ENG: variants seen among roughly 807,000 people sequenced by gnomAD.
ENG encodes CD105 antigen.
In ENG, 17 loss-of-function variants were observed where a neutral mutation model predicts 71.0. That is an observed-to-expected ratio of 0.24 (90% CI 0.16 to 0.36). The LOEUF is 0.36. Among genes scored for constraint, ENG ranks in the 10% least tolerant of loss-of-function variants. ENG has a pLI of 1.00. For missense variants in ENG, 749 were observed against 868.3 expected, an observed-to-expected ratio of 0.86 and a Z score of 1.73; for synonymous variants, 360 against 366.9, an observed-to-expected ratio of 0.98 and a Z score of 0.21.
At chr9:127,817,781 A>G (rs191579126) in intron 12 of ENG, 59 of 452,762 alleles carry the variant, frequency 1.3e-4, no homozygotes, top group African/African-American at 1.1e-3. Context: ...TTGAGATTAC[A>G]CTGGTGACCA....
At chr9:127,829,657 T>C (rs770783787) in intron 3 of ENG, 30 bp downstream of exon 3, 19 of 1,613,326 alleles carry the variant, frequency 1.2e-5, no homozygotes, top group Non-Finnish European at 1.5e-5. Flanking sequence ...GGCCAGAGCC[T>C]CAGCCTGGGG....
In ENG at chr9:127,846,052, C is replaced by T. The variant is rs974599710; in HGVS notation, c.68-2807G>A. On this transcript the variant is annotated intron_variant, in intron 1 of 14. Coordinates refer to ENST00000373203, the MANE Select transcript of ENG (RefSeq NM_001114753.3). The surrounding 1 kb of genome is among the most constrained non-coding windows in gnomAD (Gnocchi z 5.5). ...CTTTCTCTTAATTACAATTATTTGA[C>T]TGACTTCAGTCACTGTAGAATTGAC... 3.9e-5 allele frequency among the ~76,000 whole-genome samples: 6 copies of T among 152,178 alleles called. No homozygotes were observed. The highest frequency in any genetic ancestry group is 1.4e-4 in the African/African-American group (6 of 41,454).
At chr9:127,825,635 G>GT in intron 5 of ENG, 60 bp downstream of exon 5, 8 of 1,355,728 alleles carry the variant, frequency 5.9e-6, no homozygotes, top group East Asian at 5.6e-5. Flanking sequence ...GGGCGGGGGG[G>GT]GTCAGGGGGG....
At chr9:127,841,703 G>A (rs772064859) in intron 2 of ENG, among the ~76,000 whole-genome samples, 2 of 152,172 alleles carry the variant, frequency 1.3e-5, no homozygotes, top group Non-Finnish European at 2.9e-5. Context: ...AAGTTTACCC[G>A]GAGCTGACAC....
At chr9:127,831,159 A>ATT (rs548554493) in intron 2 of ENG, among the ~76,000 whole-genome samples, 7,376 of 132,924 alleles carry the variant, frequency 0.055, 662 homozygotes, top group African/African-American at 0.19. Flanking sequence ...CGTAAATACC[A>ATT]TTTTTTTTTT....
At chr9:127,832,641 C>T (rs988085068) in intron 2 of ENG, 1 of 152,058 alleles carries the variant, frequency 6.6e-6, no homozygotes, top group African/African-American at 2.4e-5. Context: ...TTTTTTTAGG[C>T]TCGTCAAGTG....
chr9:127,853,520 G>A (rs1027883368), intron 1 of ENG, among the ~76,000 whole-genome samples: 1 of 152,110 alleles, frequency 6.6e-6, no homozygotes, highest in African/African-American at 2.4e-5. Flanking sequence ...ATGACCCCTT[G>A]GAAGAGCCCC....
chr9:127,842,822 C>T (rs1037563104), intron 2 of ENG, among the ~76,000 whole-genome samples: 2 of 147,834 alleles, frequency 1.4e-5, no homozygotes, highest in Non-Finnish European at 3.0e-5. Context: ...GCAACACTCA[C>T]CTGGTCCCCC....
At chr9:127,837,705 T>G (rs899545652) in intron 2 of ENG, among the ~76,000 whole-genome samples, 1 of 151,944 alleles carries the variant, frequency 6.6e-6, no homozygotes, top group Admixed American at 6.6e-5. Flanking sequence ...ATGTACAGTT[T>G]TTCCTTCCTT....
At position 127,839,739 on chromosome 9, in the gene ENG, A is replaced by G. The variant is rs541721716; in HGVS notation, c.219+3355T>C. The stretch of plus-strand genomic sequence containing the variant: ...CCTGGCTAATTTTTGTATTTTTAGT[A>G]GAGATGCGGTTTCGCCATGTTGGCC... On this transcript the variant is annotated intron_variant, in intron 2 of 14. Coordinates refer to ENST00000373203, the MANE Select transcript of ENG (RefSeq NM_001114753.3). 1.9e-4 allele frequency among the ~76,000 whole-genome samples: 29 copies of G among 152,172 alleles called. No homozygotes were observed. The South Asian group carries it at 4.4e-3, about 23-fold the overall frequency.
intron 3 of ENG, among the ~76,000 whole-genome samples, chr9:127,828,405 C>T (rs1830677601): frequency 1.3e-5 from 2 of 152,222 alleles, no homozygotes; most frequent in Admixed American, 6.5e-5. Context: ...GCGCCTTGGC[C>T]TCTTTGTCCC....
chr9:127,847,491 T>G (rs944673440), intron 1 of ENG, among the ~76,000 whole-genome samples: 1 of 151,576 alleles, frequency 6.6e-6, no homozygotes, highest in Non-Finnish European at 1.5e-5. Flanking sequence ...AGAGTCTCAC[T>G]CTGTCACCCA....
intron 2 of ENG, among the ~76,000 whole-genome samples, chr9:127,830,117 G>A (rs949173465): frequency 6.6e-6 from 1 of 152,006 alleles, no homozygotes; most frequent in South Asian, 2.1e-4. Context: ...TGAGGTGGGC[G>A]GATCACCTGA....
At chr9:127,852,738 A>G (rs1470338855) in intron 1 of ENG, among the ~76,000 whole-genome samples, 3 of 152,014 alleles carry the variant, frequency 2.0e-5, no homozygotes, top group Admixed American at 1.3e-4. Context: ...CCCAGCTCCA[A>G]ACTTGGTGAG....
intron 2 of ENG, among the ~76,000 whole-genome samples, chr9:127,840,281 G>A (rs555355926): frequency 3.9e-5 from 6 of 152,248 alleles, no homozygotes; most frequent in South Asian, 2.1e-4. Flanking sequence ...GCACGCATGC[G>A]TGCATTCACT....
At chr9:127,818,502 C>A (rs991998832) in intron 11 of ENG, 125 bp from the exon 12 acceptor site, 2 of 1,531,980 alleles carry the variant, frequency 1.3e-6, no homozygotes, top group African/African-American at 2.7e-5. Flanking sequence ...GAAAGAAAGA[C>A]ATGGACCTGT....
rs753429934 is a variant in ENG at position 127,824,880 on chromosome 9, C to T, written c.911G>A (p.Arg304Gln). 25 of 1,612,022 alleles carry T rather than the reference C, an allele frequency of 1.6e-5. No homozygotes were observed. The highest frequency in any genetic ancestry group is 1.1e-4 in the South Asian group (10 of 90,816). Reference protein sequence around the residue: ...DTPQGLLGEARMLNASIVASF... With the variant: ...DTPQGLLGEAQMLNASIVASF... ...TGCCACAATGCTGGCATTGAGCATC[C>T]GGGCCTCCCCCAGGAGGCCTTGAGG... is the stretch of plus-strand genomic sequence containing the variant. Residue 304 changes from arginine to glutamine, a missense_variant, in exon 7 of 15, where the codon CGG becomes CAG. Transcript: ENST00000373203.
At chr9:127,820,857 C>T (rs1012735066) in intron 8 of ENG, among the ~76,000 whole-genome samples, 1 of 151,656 alleles carries the variant, frequency 6.6e-6, no homozygotes, top group African/African-American at 2.4e-5. Context: ...TATATATATT[C>T]CTTCAAGTTC....
chr9:127,823,286 C>T (rs575860090), intron 8 of ENG, among the ~76,000 whole-genome samples: 1 of 152,254 alleles, frequency 6.6e-6, no homozygotes, highest in South Asian at 2.1e-4. Flanking sequence ...GCTGGGACTA[C>T]AGGCGCCTAC....
Sources: gnomAD v4.1 joint callset for allele counts (sites outside exome capture counted in the v4.1 genomes callset) on GRCh38, gnomAD v4.1.1 for gene constraint, Gnocchi (gnomAD v3.1) non-coding constraint, MANE v1.5 for transcripts, NCBI Gene and HGNC (gene_info 2026-07-23, HGNC 2026-07-21) for gene names.